Variants in MICU1 observed in about 807,000 individuals in gnomAD.
The protein encoded by MICU1 is calcium uptake protein 1, mitochondrial.
In MICU1, 45 loss-of-function variants were observed where a neutral mutation model predicts 56.8. That is an observed-to-expected ratio of 0.79 (90% CI 0.62 to 1.02). MICU1 has a LOEUF of 1.02. Among genes scored for constraint, MICU1 ranks in the 50% least tolerant of loss-of-function variants. The probability of loss-of-function intolerance (pLI) is 0.00; values close to 1 mark genes in which losing one functional copy is unlikely to be tolerated. For missense variants in MICU1, 504 were observed against 587.1 expected, an observed-to-expected ratio of 0.86 and a Z score of 1.46; for synonymous variants, 186 against 195.1, an observed-to-expected ratio of 0.95 and a Z score of 0.39.
At chr10:72,615,533 A>C (rs1041715329) in intron 1 of MICU1, among the ~76,000 whole-genome samples, 2 of 152,176 alleles carry the variant, frequency 1.3e-5, no homozygotes, top group Non-Finnish European at 2.9e-5. Context: ...AATTCTGCAT[A>C]GATTATTTTC....
At chr10:72,451,369 T>C (rs1043070300) in intron 8 of MICU1, among the ~76,000 whole-genome samples, 1 of 152,094 alleles carries the variant, frequency 6.6e-6, no homozygotes, top group Non-Finnish European at 1.5e-5. Flanking sequence ...GGGGTCCTAA[T>C]AGGCTTGCAA....
chr10:72,426,305 C>A (rs1864344921), intron 8 of MICU1, among the ~76,000 whole-genome samples: 1 of 152,114 alleles, frequency 6.6e-6, no homozygotes, highest in Non-Finnish European at 1.5e-5. Context: ...CAGGCGTGAG[C>A]CACTGCACCT....
intron 1 of MICU1, among the ~76,000 whole-genome samples, chr10:72,614,214 A>T (rs544083125): frequency 3.4e-5 from 5 of 148,738 alleles, no homozygotes; most frequent in East Asian, 3.9e-4. Context: ...CTTAAATTTT[A>T]AAAAAAAAAC....
chr10:72,394,312 C>T (rs1182253285), intron 10 of MICU1, among the ~76,000 whole-genome samples: 3 of 152,148 alleles, frequency 2.0e-5, no homozygotes, highest in Admixed American at 6.6e-5. Flanking sequence ...GGGGCCACCA[C>T]GTAACCCACT....
At chr10:72,553,942 A>C (rs181617617) in intron 3 of MICU1, among the ~76,000 whole-genome samples, 7 of 152,324 alleles carry the variant, frequency 4.6e-5, no homozygotes, top group Non-Finnish European at 7.3e-5. Context: ...AAAGGCTTGG[A>C]AGCAGAGATA....
chr10:72,616,998 A>G (rs1471130393), intron 1 of MICU1, among the ~76,000 whole-genome samples: 5 of 152,138 alleles, frequency 3.3e-5, no homozygotes, highest in African/African-American at 9.7e-5. Flanking sequence ...TTTCTTTCCT[A>G]TCTTTCAGGG....
intron 8 of MICU1, among the ~76,000 whole-genome samples, chr10:72,425,722 C>T (rs894124559): frequency 6.6e-5 from 10 of 152,144 alleles, no homozygotes; most frequent in Admixed American, 5.9e-4. Flanking sequence ...CAGGAACCCC[C>T]TTATTTCTGA....
chr10:72,602,708 C>T (rs74148027), intron 1 of MICU1, among the ~76,000 whole-genome samples: 5,852 of 152,248 alleles, frequency 0.038, 385 homozygotes, highest in African/African-American at 0.13. Flanking sequence ...TACCATTGAA[C>T]ATGCAGCATA....
chr10:72,474,983 G>A, intron 8 of MICU1, 117 bp downstream of exon 8: 1 of 839,542 alleles, frequency 1.2e-6, no homozygotes. Context: ...GCACTGATAA[G>A]CTTCAAATCA....
intron 8 of MICU1, among the ~76,000 whole-genome samples, chr10:72,462,219 CTT>C (rs1187394084): frequency 3.2e-4 from 45 of 138,738 alleles, no homozygotes; most frequent in Admixed American, 3.6e-4. Context: ...CTTTTCTTTT[CTT>C]TTTTTTTTTT....
At chr10:72,465,595 C>T (rs1383162972) in intron 8 of MICU1, among the ~76,000 whole-genome samples, 1 of 147,338 alleles carries the variant, frequency 6.8e-6, no homozygotes. Context: ...CTCACTGCAA[C>T]CTCTGTCTCC....
At chr10:72,442,919 T>C (rs571104021) in intron 8 of MICU1, among the ~76,000 whole-genome samples, 1 of 152,006 alleles carries the variant, frequency 6.6e-6, no homozygotes. Context: ...ATCATACCCG[T>C]TTAATTTTTG....
intron 8 of MICU1, among the ~76,000 whole-genome samples, chr10:72,465,875 C>T (rs991619542): frequency 6.6e-6 from 1 of 152,138 alleles, no homozygotes; most frequent in Non-Finnish European, 1.5e-5. Context: ...GCACTTATCA[C>T]ACACTGTGTC....
intron 4 of MICU1, 111 bp downstream of exon 4, chr10:72,551,068 T>C (rs1431510303): frequency 1.9e-6 from 2 of 1,074,902 alleles, no homozygotes; most frequent in Non-Finnish European, 2.6e-6. Context: ...AGACACACTG[T>C]TCATATCATC....
intron 6 of MICU1, among the ~76,000 whole-genome samples, chr10:72,496,289 C>A (rs1441300175): frequency 6.6e-6 from 1 of 150,876 alleles, no homozygotes; most frequent in Non-Finnish European, 1.5e-5. Context: ...GCCACCACGC[C>A]TGGCTAATTC....
chr10:72,435,875 A>T lies in MICU1; in HGVS notation c.934-12504T>A, dbSNP rs554285906. On this transcript the variant is annotated intron_variant, in intron 8 of 11. Coordinates refer to ENST00000361114, the MANE Select transcript of MICU1 (RefSeq NM_001195518.2). ...ATTGCTCAGGCTTGAGTAGGTAAACAAAGCGGTCGGGAAGCTTGAACTGGG... is the reference window on the plus strand; with the variant it reads ...ATTGCTCAGGCTTGAGTAGGTAAACTAAGCGGTCGGGAAGCTTGAACTGGG... 3.9e-5 allele frequency among the ~76,000 whole-genome samples: 6 copies of T among 152,376 alleles called. No individual in the cohort carries two copies. In the South Asian group the frequency reaches 1.2e-3, roughly 32 times the overall value.
intron 4 of MICU1, among the ~76,000 whole-genome samples, chr10:72,548,102 T>C (rs1278704183): frequency 6.6e-6 from 1 of 152,236 alleles, no homozygotes; most frequent in Non-Finnish European, 1.5e-5. Flanking sequence ...TCCCATGCTA[T>C]AGCAGCAGAG....
At chr10:72,450,660 T>C (rs1865266361) in intron 8 of MICU1, among the ~76,000 whole-genome samples, 1 of 152,174 alleles carries the variant, frequency 6.6e-6, no homozygotes, top group Non-Finnish European at 1.5e-5. Flanking sequence ...GTCTTTCTCT[T>C]GCTGGTGCTA....
intron 8 of MICU1, among the ~76,000 whole-genome samples, chr10:72,471,320 G>C (rs1168927977): frequency 2.0e-5 from 3 of 152,164 alleles, no homozygotes; most frequent in Non-Finnish European, 2.9e-5. Flanking sequence ...TCCTGACTTC[G>C]TGATCTGCCC....
Sources: allele counts gnomAD v4.1 joint callset (sites outside exome capture counted in the v4.1 genomes callset), GRCh38; gene constraint gnomAD v4.1.1; transcripts MANE v1.5; gene names NCBI Gene and HGNC (gene_info 2026-07-23, HGNC 2026-07-21).